PALLD: variants seen among roughly 807,000 people sequenced by gnomAD.
PALLD encodes the protein palladin, cytoskeletal associated protein, also known as palladin.
Under a neutral mutation model 123.5 loss-of-function variants are expected in PALLD, and 61 were observed. The observed-to-expected ratio is 0.49, with a 90% CI of 0.40 to 0.61. The LOEUF (loss-of-function observed/expected upper bound fraction) is 0.61. Ranked by LOEUF, PALLD falls within the 20% of genes least tolerant of loss-of-function variation. The probability of loss-of-function intolerance (pLI) is 0.00; values close to 1 mark genes in which losing one functional copy is unlikely to be tolerated. For synonymous variants in PALLD, 465 were observed against 496.4 expected, an observed-to-expected ratio of 0.94 and a Z score of 0.84; for missense variants, 1,273 against 1,377.0, an observed-to-expected ratio of 0.92 and a Z score of 1.20.
intron 10 of PALLD, among the ~76,000 whole-genome samples, chr4:168,887,669 C>T (rs1218562465): frequency 6.6e-6 from 1 of 152,180 alleles, no homozygotes; most frequent in Non-Finnish European, 1.5e-5. Flanking sequence ...AAGATGACTT[C>T]AAAACCTAGC....
intron 2 of PALLD, among the ~76,000 whole-genome samples, chr4:168,600,430 C>A (rs564569342): frequency 6.6e-6 from 1 of 152,298 alleles, no homozygotes; most frequent in South Asian, 2.1e-4. Flanking sequence ...AAATCAATTT[C>A]TATGACTTCT....
intron 10 of PALLD, among the ~76,000 whole-genome samples, chr4:168,795,710 C>CTT (rs10632080): frequency 0.032 from 4,680 of 144,738 alleles, 218 homozygotes; most frequent in African/African-American, 0.1. Context: ...CCCTAATTGT[C>CTT]TTTTTTTTTT....
At chr4:168,561,138 G>T (rs1487674631) in intron 2 of PALLD, among the ~76,000 whole-genome samples, 1 of 152,070 alleles carries the variant, frequency 6.6e-6, no homozygotes, top group Non-Finnish European at 1.5e-5. Flanking sequence ...GGCCTCCCTG[G>T]ATGCAGTCAA....
intron 2 of PALLD, among the ~76,000 whole-genome samples, chr4:168,559,388 T>C (rs935803823): frequency 5.7e-5 from 8 of 141,158 alleles, no homozygotes; most frequent in Non-Finnish European, 1.2e-4. Context: ...ACCCTTCTGA[T>C]AAATGATACA....
At chr4:168,825,900 C>A (rs6832641) in intron 10 of PALLD, among the ~76,000 whole-genome samples, 4,282 of 152,206 alleles carry the variant, frequency 0.028, 210 homozygotes, top group African/African-American at 0.098. Flanking sequence ...CATGATCTTA[C>A]CCATGACTTC....
chr4:168,821,559 G>T lies in PALLD; in HGVS notation c.1965-69363G>T, dbSNP rs115545938. Among the ~76,000 whole-genome samples the T allele has an allele frequency of 5.2e-3, 789 of 152,208 alleles. 5 individuals are homozygous for T. The highest frequency in any genetic ancestry group is 0.017 in the African/African-American group (722 of 41,538). ...ATACACAAAGAGAGAAAAATTTGAA[G>T]AATTAGATGAATATACGTATAAAGA... On this transcript the variant is annotated intron_variant, in intron 10 of 21. Coordinates refer to ENST00000505667, the MANE Select transcript of PALLD (RefSeq NM_001166108.2).
At chr4:168,852,382 T>A (rs1042846158) in intron 10 of PALLD, among the ~76,000 whole-genome samples, 2 of 152,144 alleles carry the variant, frequency 1.3e-5, no homozygotes, top group Non-Finnish European at 1.5e-5. Context: ...TCAATCAGTA[T>A]TTGTTAAATT....
chr4:168,668,801 T>G (rs1580852203), intron 3 of PALLD, among the ~76,000 whole-genome samples: 1 of 152,208 alleles, frequency 6.6e-6, no homozygotes, highest in African/African-American at 2.4e-5. Flanking sequence ...TTGTCTCTTT[T>G]GTTAAGACCC....
intron 10 of PALLD, among the ~76,000 whole-genome samples, chr4:168,777,620 G>A (rs1262410918): frequency 6.6e-6 from 1 of 152,124 alleles, no homozygotes; most frequent in African/African-American, 2.4e-5. Context: ...AGAACACCAA[G>A]GCTAGACTAG....
chr4:168,726,024 T>C (rs1429788705), intron 10 of PALLD, among the ~76,000 whole-genome samples: 1 of 152,200 alleles, frequency 6.6e-6, no homozygotes, highest in Non-Finnish European at 1.5e-5. Flanking sequence ...TCATGTGTAT[T>C]TTTATTCTAT....
intron 2 of PALLD, among the ~76,000 whole-genome samples, chr4:168,608,150 G>A (rs1431328593): frequency 1.3e-5 from 2 of 152,194 alleles, no homozygotes; most frequent in Non-Finnish European, 2.9e-5. Context: ...GGTCGCATTG[G>A]GAGCAGCGCT....
intron 5 of PALLD, 51 bp downstream of exon 5, chr4:168,683,154 C>A: frequency 1.0e-6 from 1 of 996,258 alleles, no homozygotes. Context: ...CATCAGCAAA[C>A]TTGTGGATTT....
At chr4:168,626,273 G>C (rs1002738979) in intron 2 of PALLD, among the ~76,000 whole-genome samples, 6 of 151,870 alleles carry the variant, frequency 4.0e-5, no homozygotes, top group African/African-American at 1.5e-4. Flanking sequence ...GTGGTGGTGG[G>C]CTCCTGTAGT....
intron 2 of PALLD, among the ~76,000 whole-genome samples, chr4:168,516,084 G>A (rs1762964551): frequency 6.6e-6 from 1 of 152,164 alleles, no homozygotes; most frequent in Admixed American, 6.5e-5. Flanking sequence ...CTGAAAATAT[G>A]TTTTCCTCCT....
intron 10 of PALLD, among the ~76,000 whole-genome samples, chr4:168,720,274 C>T (rs9884230): frequency 0.61 from 92,554 of 152,098 alleles, 28,598 homozygotes; most frequent in African/African-American, 0.72. Flanking sequence ...TTCAGTGCAA[C>T]CCAAATGCCT....
At chr4:168,916,401 C>A (rs954876447) in intron 17 of PALLD, among the ~76,000 whole-genome samples, 5 of 152,050 alleles carry the variant, frequency 3.3e-5, no homozygotes, top group African/African-American at 7.2e-5. Flanking sequence ...CAGAGCAAGA[C>A]CCTGTCTCAA....
chr4:168,615,195 A>C (rs1482170593), intron 2 of PALLD, among the ~76,000 whole-genome samples: 1 of 152,064 alleles, frequency 6.6e-6, no homozygotes, highest in Non-Finnish European at 1.5e-5. Context: ...GCATTACATT[A>C]AAAAATTCAT....
intron 10 of PALLD, among the ~76,000 whole-genome samples, chr4:168,879,996 A>G (rs1336448616): frequency 6.6e-6 from 1 of 152,248 alleles, no homozygotes; most frequent in Non-Finnish European, 1.5e-5. Context: ...TTAAAAGGGT[A>G]CCAAGTCTTG....
intron 2 of PALLD, among the ~76,000 whole-genome samples, chr4:168,665,702 A>T (rs1779581366): frequency 6.6e-6 from 1 of 152,194 alleles, no homozygotes; most frequent in Non-Finnish European, 1.5e-5. Context: ...CACCTAGGGG[A>T]TCTGAACTGA....
Sources: gnomAD v4.1 joint callset for allele counts (sites outside exome capture counted in the v4.1 genomes callset) on GRCh38, gnomAD v4.1.1 for gene constraint, MANE v1.5 for transcripts, NCBI Gene and HGNC (gene_info 2026-07-23, HGNC 2026-07-21) for gene names.